Variants in KLRG1 observed in about 807,000 individuals in gnomAD.
KLRG1 encodes killer cell lectin-like receptor subfamily G member 1.
In KLRG1, 16 loss-of-function variants were observed where a neutral mutation model predicts 21.8. The ratio of observed to expected loss-of-function variants is 0.73; its 90% CI spans 0.50 to 1.11. The LOEUF is 1.11. Among genes scored for constraint, KLRG1 ranks in the 50% most tolerant of loss-of-function variants. The probability of loss-of-function intolerance (pLI) is 0.00; values close to 1 mark genes in which losing one functional copy is unlikely to be tolerated. For synonymous variants in KLRG1, 69 were observed against 75.9 expected, an observed-to-expected ratio of 0.91 and a Z score of 0.47; for missense variants, 173 against 218.3, an observed-to-expected ratio of 0.79 and a Z score of 1.31.
the KLRG1 span, among the ~76,000 whole-genome samples, chr12:9,120,393 T>C: frequency 6.6e-6 from 1 of 152,042 alleles, no homozygotes; most frequent in Admixed American, 6.5e-5. Context: ...GAAAAGAAAG[T>C]AGAAGAGCAA....
the KLRG1 span, among the ~76,000 whole-genome samples, chr12:9,114,413 TTGA>T: frequency 1.3e-5 from 2 of 152,200 alleles, no homozygotes; most frequent in Non-Finnish European, 1.5e-5. Flanking sequence ...GATATTATTT[TTGA>T]TGATATTTTA....
At chr12:9,200,950 C>T in the KLRG1 span, 136 of 1,613,978 alleles carry the variant, frequency 8.4e-5, no homozygotes, top group Non-Finnish European at 1.1e-4. Context: ...TCTGTACCAC[C>T]ACCCTGTAGG....
At chr12:8,967,656 G>T (rs765094859) in intron 1 of KLRG1, among the ~76,000 whole-genome samples, 2 of 152,136 alleles carry the variant, frequency 1.3e-5, no homozygotes, top group African/African-American at 2.4e-5. Flanking sequence ...GGAGTTCAAG[G>T]CTCAATATAT....
intron 1 of KLRG1, among the ~76,000 whole-genome samples, chr12:8,972,315 T>G (rs34285491): frequency 0.36 from 55,308 of 151,980 alleles, 11,026 homozygotes; most frequent in South Asian, 0.44. Flanking sequence ...CCGCCACCAC[T>G]CCTGGCTAAT....
the KLRG1 span, among the ~76,000 whole-genome samples, chr12:9,033,146 A>T: frequency 7.6e-4 from 115 of 152,286 alleles, no homozygotes; most frequent in Middle Eastern, 3.4e-3. Context: ...GAATCAAAAG[A>T]TTGCTGGGGT....
At chr12:9,049,571 T>TG in the KLRG1 span, among the ~76,000 whole-genome samples, 1 of 152,250 alleles carries the variant, frequency 6.6e-6, no homozygotes, top group African/African-American at 2.4e-5. Flanking sequence ...GGATGATTTG[T>TG]GCTAGTACCT....
the KLRG1 span, among the ~76,000 whole-genome samples, chr12:9,024,751 T>C: frequency 1.3e-5 from 2 of 152,194 alleles, no homozygotes; most frequent in African/African-American, 4.8e-5. Context: ...CCTGGTTCCA[T>C]TTTTGAAGGA....
the KLRG1 span, among the ~76,000 whole-genome samples, chr12:9,149,257 G>A: frequency 2.0e-5 from 3 of 152,216 alleles, no homozygotes; most frequent in African/African-American, 7.2e-5. Context: ...TTTGGTTTTA[G>A]GTGTGTGATT....
chr12:9,196,414 G>T, the KLRG1 span: 3 of 1,613,352 alleles, frequency 1.9e-6, no homozygotes, highest in South Asian at 1.1e-5. Context: ...TGATTTCACT[G>T]ATCCTGTTTG....
intron 1 of KLRG1, among the ~76,000 whole-genome samples, chr12:8,982,011 C>T (rs778410614): frequency 1.3e-5 from 2 of 152,142 alleles, no homozygotes; most frequent in South Asian, 2.1e-4. Context: ...CTATTTTTGT[C>T]TTATATTAGT....
chr12:9,098,426 G>A, the KLRG1 span: 2 of 357,138 alleles, frequency 5.6e-6, no homozygotes, highest in East Asian at 1.0e-4. Flanking sequence ...GCAGAAGTGA[G>A]TAGTTATATA....
chr12:9,136,580 A>T, the KLRG1 span, among the ~76,000 whole-genome samples: 3 of 152,200 alleles, frequency 2.0e-5, no homozygotes, highest in Non-Finnish European at 2.9e-5. Context: ...ATATACATAT[A>T]TACAAATATA....
At chr12:9,205,223 AC>A in the KLRG1 span, among the ~76,000 whole-genome samples, 374 of 152,258 alleles carry the variant, frequency 2.5e-3, 2 homozygotes, top group African/African-American at 8.4e-3. Flanking sequence ...TGTAAGCCTC[AC>A]ATTCTGGCCT....
At chr12:9,106,754 A>G in the KLRG1 span, 6 of 469,690 alleles carry the variant, frequency 1.3e-5, no homozygotes, top group East Asian at 1.5e-4. Context: ...TCTAGCAACT[A>G]AATATTAAAT....
the KLRG1 span, among the ~76,000 whole-genome samples, chr12:9,027,265 A>T: frequency 6.6e-6 from 1 of 152,172 alleles, no homozygotes; most frequent in Non-Finnish European, 1.5e-5. Context: ...GTGCAAAAAA[A>T]AAAAAAGTCT....
chr12:9,163,135 T>C, the KLRG1 span, among the ~76,000 whole-genome samples: 4 of 151,866 alleles, frequency 2.6e-5, no homozygotes, highest in African/African-American at 4.8e-5. Context: ...TCAAAGCTAA[T>C]GGGTATGAGA....
chr12:9,155,123 TAGAG>T, the KLRG1 span, among the ~76,000 whole-genome samples: 1 of 152,214 alleles, frequency 6.6e-6, no homozygotes, highest in Non-Finnish European at 1.5e-5. Context: ...AGAAAAGTGG[TAGAG>T]AGAGTTCTTT....
the KLRG1 span, among the ~76,000 whole-genome samples, chr12:9,086,038 G>C: frequency 6.6e-6 from 1 of 152,030 alleles, no homozygotes; most frequent in Admixed American, 6.6e-5. Context: ...AATAACTGTT[G>C]GCTTCACTGC....
the KLRG1 span, chr12:9,169,054 T>A: frequency 2.9e-6 from 3 of 1,018,314 alleles, no homozygotes; most frequent in Non-Finnish European, 4.5e-6. Flanking sequence ...GACTTCTCTA[T>A]GTAATTCCAG....
Sources: allele counts gnomAD v4.1 joint callset (sites outside exome capture counted in the v4.1 genomes callset), GRCh38; gene constraint gnomAD v4.1.1; transcripts MANE v1.5; gene names NCBI Gene and HGNC (gene_info 2026-07-23, HGNC 2026-07-21).